The following SPON1 variants were observed in gnomAD, a reference collection of about 807,000 sequenced individuals.
The protein encoded by SPON1 is spondin-1.
A neutral mutation model predicts 111.7 loss-of-function variants in SPON1; 52 were observed. That is an observed-to-expected ratio of 0.47 (90% CI 0.37 to 0.59). The LOEUF (loss-of-function observed/expected upper bound fraction) is 0.59. SPON1 is among the 20% of genes least tolerant of loss of function. The pLI is 0.00. For synonymous variants in SPON1, 410 were observed against 395.8 expected (o/e 1.04, Z -0.43); for missense variants, 957 against 1,068.5 (o/e 0.90, Z 1.46).
chr11:14,264,123 G>GTGAT (rs1400940266), intron 15 of SPON1, among the ~76,000 whole-genome samples: 7 of 152,004 alleles, frequency 4.6e-5, no homozygotes, highest in Non-Finnish European at 8.8e-5. Context: ...ATAGGTCCAA[G>GTGAT]TGATAGGTCC....
intron 6 of SPON1, among the ~76,000 whole-genome samples, chr11:14,214,201 C>T (rs1399201350): frequency 1.3e-5 from 2 of 152,180 alleles, no homozygotes; most frequent in Non-Finnish European, 2.9e-5. Flanking sequence ...AAAGAACTCT[C>T]GGCTCTGGTC....
rs781868416 is a variant in SPON1 at position 13,962,946 on chromosome 11, G to C, written c.42G>C (p.Pro14=). 2 of 1,581,190 alleles carry C rather than the reference G, an allele frequency of 1.3e-6. No individual in the cohort carries two copies. Among genetic ancestry groups the C allele is most frequent in the African/African-American group, 2.7e-5 (2 of 73,322 alleles). The change falls in exon 1 of 16, where the codon CCG becomes CCC. Residue 14 remains proline, a synonymous_variant. Coordinates refer to ENST00000576479, the MANE Select transcript of SPON1 (RefSeq NM_006108.4). ...CGCCCCTGAAGCTGAGCCGGACTCC[G>C]GCACTGCTGGCCCTGGCGCTGCCCC... is the stretch of plus-strand genomic sequence containing the variant. ...SPAPLKLSRT[P]ALLALALPLA... is the part of the protein sequence containing the mutation.
At chr11:14,260,469 A>T in intron 13 of SPON1, 119 bp from the exon 14 acceptor site, 1 of 1,118,648 alleles carries the variant, frequency 8.9e-7, no homozygotes, top group Non-Finnish European at 1.3e-6. Flanking sequence ...CCCATGGGCC[A>T]ATTCCACTTT....
At chr11:14,122,322 C>T (rs1014619048) in intron 5 of SPON1, among the ~76,000 whole-genome samples, 8 of 152,118 alleles carry the variant, frequency 5.3e-5, no homozygotes, top group Non-Finnish European at 7.4e-5. Context: ...TACAGGCGCC[C>T]GCCACCAGGC....
intron 5 of SPON1, among the ~76,000 whole-genome samples, chr11:14,102,722 A>G (rs1849153703): frequency 6.6e-6 from 1 of 151,804 alleles, no homozygotes; most frequent in South Asian, 2.1e-4. Flanking sequence ...TACTATGTAG[A>G]CTCTCCTTCT....
At chr11:14,247,370 T>A (rs1403918042) in intron 7 of SPON1, among the ~76,000 whole-genome samples, 4 of 152,126 alleles carry the variant, frequency 2.6e-5, no homozygotes, top group Non-Finnish European at 5.9e-5. Flanking sequence ...TGCACTCCAG[T>A]CTGGGTGACA....
intron 6 of SPON1, among the ~76,000 whole-genome samples, chr11:14,196,954 G>A (rs552557804): frequency 6.6e-6 from 1 of 152,322 alleles, no homozygotes; most frequent in African/African-American, 2.4e-5. Context: ...GGAGGCTGAG[G>A]CAGGAGAATC....
intron 2 of SPON1, among the ~76,000 whole-genome samples, chr11:13,984,644 T>C (rs548475707): frequency 1.1e-4 from 17 of 152,328 alleles, no homozygotes; most frequent in Admixed American, 7.8e-4. Flanking sequence ...CACTGTTGCA[T>C]TGGGGATTAA....
At chr11:14,160,109 G>A (rs972183737) in intron 6 of SPON1, among the ~76,000 whole-genome samples, 9 of 151,444 alleles carry the variant, frequency 5.9e-5, no homozygotes, top group Non-Finnish European at 4.4e-5. Flanking sequence ...CCCATAATGT[G>A]CTTATTACAC....
chr11:13,986,437 T>G (rs879996029), intron 2 of SPON1, among the ~76,000 whole-genome samples: 3 of 152,154 alleles, frequency 2.0e-5, no homozygotes, highest in Non-Finnish European at 4.4e-5. Context: ...ATATAGAATG[T>G]GTAATGATCA....
At chr11:14,205,262 T>A (rs562281588) in intron 6 of SPON1, among the ~76,000 whole-genome samples, 1 of 152,352 alleles carries the variant, frequency 6.6e-6, no homozygotes, top group South Asian at 2.1e-4. Flanking sequence ...CATATCGTAT[T>A]ATTACATGTG....
chr11:14,109,490 C>T lies in SPON1; in HGVS notation c.677-25930C>T, dbSNP rs74316623. On this transcript the variant is annotated intron_variant, in intron 5 of 15. Transcript: ENST00000576479. Reference sequence around the variant, plus strand: ...CATTCAGTCACCAGCTTTGAAACTACGGTTCTTGCAATTTTTTAATTTGGG... The same window carrying T: ...CATTCAGTCACCAGCTTTGAAACTATGGTTCTTGCAATTTTTTAATTTGGG... Among the ~76,000 whole-genome samples, 819 of 152,242 alleles carry T rather than the reference C, an allele frequency of 5.4e-3. 7 individuals carry two copies. Among genetic ancestry groups the T allele is most frequent in the Non-Finnish European group, 9.1e-3 (618 of 68,012 alleles).
intron 6 of SPON1, among the ~76,000 whole-genome samples, chr11:14,232,550 C>G (rs1302722423): frequency 6.6e-6 from 1 of 152,206 alleles, no homozygotes; most frequent in Non-Finnish European, 1.5e-5. Flanking sequence ...TCCCTCCCCA[C>G]TCTGGCAACT....
chr11:13,970,465 A>G (rs1848054131), intron 1 of SPON1, among the ~76,000 whole-genome samples: 1 of 152,212 alleles, frequency 6.6e-6, no homozygotes, highest in Non-Finnish European at 1.5e-5. Flanking sequence ...GGACTGGGTG[A>G]GAGAAACAGG....
intron 15 of SPON1, among the ~76,000 whole-genome samples, chr11:14,264,867 T>C (rs1240461431): frequency 2.6e-5 from 4 of 152,178 alleles, no homozygotes; most frequent in Non-Finnish European, 4.4e-5. Context: ...AGAACAAAAA[T>C]TGTACTTCTC....
At chr11:14,084,252 C>A (rs534225784) in intron 5 of SPON1, among the ~76,000 whole-genome samples, 4 of 151,936 alleles carry the variant, frequency 2.6e-5, no homozygotes, top group African/African-American at 9.7e-5. Context: ...CTAGGTTTTA[C>A]GTCCCACATG....
intron 6 of SPON1, among the ~76,000 whole-genome samples, chr11:14,141,283 G>A (rs1447992924): frequency 3.9e-5 from 6 of 152,182 alleles, no homozygotes; most frequent in Admixed American, 2.6e-4. Context: ...GTTTGTAGAA[G>A]GAGAGAGAAC....
chr11:13,989,045 G>C (rs1224510858), intron 2 of SPON1, among the ~76,000 whole-genome samples: 5 of 152,128 alleles, frequency 3.3e-5, no homozygotes, highest in African/African-American at 1.2e-4. Context: ...TTTGGTATCA[G>C]GATGATGCTG....
intron 5 of SPON1, among the ~76,000 whole-genome samples, chr11:14,115,789 T>C (rs1554925908): frequency 6.6e-6 from 1 of 152,190 alleles, no homozygotes; most frequent in Non-Finnish European, 1.5e-5. Flanking sequence ...GTTGGTTAGA[T>C]ACTAGATGTG....
Sources: allele counts gnomAD v4.1 joint callset (sites outside exome capture counted in the v4.1 genomes callset), GRCh38; gene constraint gnomAD v4.1.1; transcripts MANE v1.5; gene names NCBI Gene and HGNC (gene_info 2026-07-23, HGNC 2026-07-21).